The following FSHR variants were observed in gnomAD, a reference collection of about 807,000 sequenced individuals.
The protein encoded by FSHR is follicle-stimulating hormone receptor.
In FSHR, 46 loss-of-function variants were observed where a neutral mutation model predicts 52.1. The ratio of observed to expected loss-of-function variants is 0.88; its 90% CI spans 0.70 to 1.13. The LOEUF is 1.13. Among genes scored for constraint, FSHR ranks in the 50% most tolerant of loss-of-function variants. The pLI is 0.00. For missense variants in FSHR, 964 were observed against 834.6 expected, an observed-to-expected ratio of 1.16 and a Z score of -1.91; for synonymous variants, 399 against 309.6, an observed-to-expected ratio of 1.29 and a Z score of -3.03.
chr2:48,968,954 A>C (rs1674608729), intron 8 of FSHR, 71 bp from the exon 9 acceptor site: 4 of 1,328,336 alleles, frequency 3.0e-6, no homozygotes, highest in Non-Finnish European at 2.1e-6. Context: ...GTTAGCAGGC[A>C]AAATAGCAGA....
At chr2:49,039,514 T>C (rs2104278032) in intron 2 of FSHR, among the ~76,000 whole-genome samples, 1 of 152,328 alleles carries the variant, frequency 6.6e-6, no homozygotes, top group East Asian at 1.9e-4. Flanking sequence ...TTAACAAAAA[T>C]TTACTTTTCT....
intron 2 of FSHR, among the ~76,000 whole-genome samples, chr2:49,064,093 C>T (rs369902785): frequency 6.0e-5 from 8 of 134,212 alleles, no homozygotes; most frequent in African/African-American, 1.9e-4. Context: ...TGTGTTTGCA[C>T]ATGCATGGTG....
intron 1 of FSHR, among the ~76,000 whole-genome samples, chr2:49,077,938 A>G (rs1055474676): frequency 3.3e-5 from 5 of 152,212 alleles, no homozygotes; most frequent in Admixed American, 6.5e-5. Flanking sequence ...AAGCCATTCA[A>G]CAAGTCTTTA....
chr2:49,110,953 C>A (rs1671401116), intron 1 of FSHR, among the ~76,000 whole-genome samples: 1 of 152,152 alleles, frequency 6.6e-6, no homozygotes, highest in Non-Finnish European at 1.5e-5. Context: ...CCCTTATTAA[C>A]ACACAGTGGT....
intron 4 of FSHR, among the ~76,000 whole-genome samples, chr2:49,004,773 C>A (rs1368606933): frequency 6.6e-6 from 1 of 152,138 alleles, no homozygotes; most frequent in East Asian, 1.9e-4. Flanking sequence ...GCTTTTCACC[C>A]AGTCCTCTCT....
chr2:49,147,311 TA>T (rs1359215424), intron 1 of FSHR, among the ~76,000 whole-genome samples: 2 of 152,062 alleles, frequency 1.3e-5, no homozygotes, highest in African/African-American at 4.8e-5. Flanking sequence ...TAAACAAAGC[TA>T]AATTGGAGAG....
intron 1 of FSHR, among the ~76,000 whole-genome samples, chr2:49,149,705 C>A (rs974258584): frequency 6.6e-6 from 1 of 151,768 alleles, no homozygotes; most frequent in Non-Finnish European, 1.5e-5. Flanking sequence ...CTTTAAAATT[C>A]CTAATAATAA....
intron 2 of FSHR, among the ~76,000 whole-genome samples, chr2:49,036,597 T>C (rs955183475): frequency 5.8e-4 from 89 of 152,200 alleles, no homozygotes; most frequent in African/African-American, 2.0e-3. Flanking sequence ...GTTCTCAGCA[T>C]CTTGTTTCCA....
At chr2:49,019,669 T>G (rs760415105) in intron 3 of FSHR, among the ~76,000 whole-genome samples, 1 of 152,232 alleles carries the variant, frequency 6.6e-6, no homozygotes, top group Non-Finnish European at 1.5e-5. Flanking sequence ...GAGTCTCAGA[T>G]AGTTATCTAT....
rs1223184774 is a variant in FSHR at position 49,023,563 on chromosome 2, T to C, written c.225-3403A>G. 4.6e-5 allele frequency among the ~76,000 whole-genome samples: 7 copies of C among 152,170 alleles called. No homozygotes were observed. The South Asian group carries it at 1.2e-3, about 27-fold the overall frequency. Reference sequence around the variant, plus strand: ...AATTTTACTAATACAGAGTATAACATGCAAGTGACACACAAAAATATTTGG... The same window carrying C: ...AATTTTACTAATACAGAGTATAACACGCAAGTGACACACAAAAATATTTGG... On this transcript the variant is annotated intron_variant, in intron 2 of 9. Coordinates refer to ENST00000406846, the MANE Select transcript of FSHR (RefSeq NM_000145.4).
At chr2:49,049,900 T>C (rs760146460) in intron 2 of FSHR, among the ~76,000 whole-genome samples, 4 of 150,536 alleles carry the variant, frequency 2.7e-5, no homozygotes, top group Admixed American at 2.6e-4. Context: ...TCCAAACATA[T>C]AAATACAAAG....
At chr2:49,043,968 C>T (rs760733894) in intron 2 of FSHR, among the ~76,000 whole-genome samples, 1 of 152,180 alleles carries the variant, frequency 6.6e-6, no homozygotes, top group East Asian at 1.9e-4. Flanking sequence ...CTAACTCCCA[C>T]GTCTTTCAAC....
chr2:48,976,237 A>C (rs557381262), intron 8 of FSHR, among the ~76,000 whole-genome samples: 2 of 152,260 alleles, frequency 1.3e-5, no homozygotes, highest in South Asian at 2.1e-4. Flanking sequence ...GCATCTATTG[A>C]GATAATCATA....
chr2:49,115,930 C>G (rs187542512), intron 1 of FSHR, among the ~76,000 whole-genome samples: 23 of 152,188 alleles, frequency 1.5e-4, no homozygotes, highest in Admixed American at 1.4e-3. Context: ...AGCAAAAGGG[C>G]CTTGTGGGGA....
At chr2:49,059,870 C>T (rs200513074) in intron 2 of FSHR, among the ~76,000 whole-genome samples, 45 of 151,998 alleles carry the variant, frequency 3.0e-4, no homozygotes, top group East Asian at 2.5e-3. Flanking sequence ...GGGATTATAT[C>T]AAACCAAAAA....
rs550065949 is a variant in FSHR at position 49,123,427 on chromosome 2, C to G, written c.152+30839G>C. ...GCTTGAGCCCAGGAGGTTCAGGTTG[C>G]AGTGAGCCATGATCGCATCACTGCA... On this transcript the variant is annotated intron_variant, in intron 1 of 9. Coordinates refer to ENST00000406846, the MANE Select transcript of FSHR (RefSeq NM_000145.4). 4.6e-5 allele frequency among the ~76,000 whole-genome samples: 7 copies of G among 152,144 alleles called. No individual in the cohort carries two copies. The South Asian group carries it at 1.5e-3, about 32-fold the overall frequency.
intron 4 of FSHR, among the ~76,000 whole-genome samples, chr2:49,003,580 C>A (rs185867577): frequency 3.9e-5 from 6 of 152,058 alleles, no homozygotes; most frequent in Admixed American, 2.6e-4. Flanking sequence ...TAAGAATACA[C>A]GTTATGAAAG....
In FSHR at chr2:49,128,166, C is replaced by G. The variant is rs146401064; in HGVS notation, c.152+26100G>C. On this transcript the variant is annotated intron_variant, in intron 1 of 9. Coordinates refer to ENST00000406846, the MANE Select transcript of FSHR (RefSeq NM_000145.4). ...CAAGTGCTAGGATTGCAGGCATGAT[C>G]CACCGTGCCCAGCCAATTTATGCTT... 3.6e-3 allele frequency among the ~76,000 whole-genome samples: 546 copies of G among 152,020 alleles called. 4 individuals are homozygous for G. Among genetic ancestry groups the G allele is most frequent in the African/African-American group, 0.013 (530 of 41,466 alleles).
intron 1 of FSHR, among the ~76,000 whole-genome samples, chr2:49,110,896 G>T (rs1037413298): frequency 1.3e-5 from 2 of 152,158 alleles, no homozygotes; most frequent in African/African-American, 4.8e-5. Flanking sequence ...TTTGTTACAT[G>T]ATGCTACTGT....
Sources: gnomAD v4.1 joint callset for allele counts (sites outside exome capture counted in the v4.1 genomes callset) on GRCh38, gnomAD v4.1.1 for gene constraint, MANE v1.5 for transcripts, NCBI Gene and HGNC (gene_info 2026-07-23, HGNC 2026-07-21) for gene names.